Variants in PSD3 observed in about 807,000 individuals in gnomAD.
PSD3 encodes pleckstrin and Sec7 domain containing 3, also known as PH and SEC7 domain-containing protein 3.
In PSD3, 49 loss-of-function variants were observed where a neutral mutation model predicts 105.5. That is an observed-to-expected ratio of 0.46 (90% CI 0.37 to 0.59). PSD3 has a LOEUF of 0.59. Among genes scored for constraint, PSD3 ranks in the 20% least tolerant of loss-of-function variants. The pLI, the probability that PSD3 is intolerant of heterozygous loss-of-function variation, is 0.00. For synonymous variants in PSD3, 557 were observed against 457.8 expected (o/e 1.22, Z -2.77); for missense variants, 1,561 against 1,263.8 (o/e 1.24, Z -3.57).
intron 9 of PSD3, among the ~76,000 whole-genome samples, chr8:18,695,853 T>A (rs1186521865): frequency 6.6e-6 from 1 of 152,174 alleles, no homozygotes; most frequent in Non-Finnish European, 1.5e-5. Context: ...AGAAGGAGTA[T>A]GAAACAAGTC....
chr8:19,037,620 G>A (rs948823882), intron 1 of PSD3, among the ~76,000 whole-genome samples: 2 of 152,174 alleles, frequency 1.3e-5, no homozygotes, highest in African/African-American at 4.8e-5. Context: ...TTTGGTGAGG[G>A]CCTGAAGAGA....
chr8:18,629,242 A>G (rs1471697817), intron 11 of PSD3, among the ~76,000 whole-genome samples: 1 of 151,994 alleles, frequency 6.6e-6, no homozygotes, highest in Non-Finnish European at 1.5e-5. Flanking sequence ...AGGAAGACAT[A>G]ATATATATAG....
intron 1 of PSD3, among the ~76,000 whole-genome samples, chr8:19,081,879 C>T (rs552667308): frequency 1.3e-5 from 2 of 152,308 alleles, no homozygotes; most frequent in African/African-American, 2.4e-5. Flanking sequence ...AATGGAGTTT[C>T]CTTCCCTGTA....
At chr8:18,884,112 T>C (rs1318441701) in intron 2 of PSD3, among the ~76,000 whole-genome samples, 1 of 152,182 alleles carries the variant, frequency 6.6e-6, no homozygotes, top group African/African-American at 2.4e-5. Context: ...GTGACCACTC[T>C]GATCCCTTAG....
intron 10 of PSD3, among the ~76,000 whole-genome samples, chr8:18,643,392 C>A (rs1420079675): frequency 6.6e-6 from 1 of 152,104 alleles, no homozygotes; most frequent in African/African-American, 2.4e-5. Context: ...TCACAGTGAC[C>A]CCAGTTTTAA....
At chr8:18,637,822 G>T (rs1274669317) in intron 10 of PSD3, among the ~76,000 whole-genome samples, 5 of 152,112 alleles carry the variant, frequency 3.3e-5, no homozygotes, top group Non-Finnish European at 7.4e-5. Flanking sequence ...CTGGAAGAAA[G>T]ATTTCTGTCC....
At chr8:18,666,814 G>C (rs1799494911) in intron 9 of PSD3, among the ~76,000 whole-genome samples, 1 of 152,072 alleles carries the variant, frequency 6.6e-6, no homozygotes, top group African/African-American at 2.4e-5. Context: ...GTAAACTACT[G>C]TGGGTGAGAC....
chr8:18,664,105 G>C (rs540771039), intron 9 of PSD3, among the ~76,000 whole-genome samples: 36 of 152,264 alleles, frequency 2.4e-4, no homozygotes, highest in African/African-American at 8.2e-4. Flanking sequence ...ACTGAAATTA[G>C]ACCAATTAGT....
intron 9 of PSD3, among the ~76,000 whole-genome samples, chr8:18,757,462 G>GCAAA (rs200735183): frequency 0.038 from 5,803 of 151,960 alleles, 286 homozygotes; most frequent in East Asian, 0.19. Context: ...AGACTCCGTT[G>GCAAA]CAAACAAACA....
At chr8:18,596,657 C>G (rs946398695) in intron 12 of PSD3, among the ~76,000 whole-genome samples, 1 of 151,906 alleles carries the variant, frequency 6.6e-6, no homozygotes, top group Non-Finnish European at 1.5e-5. Flanking sequence ...GCAATTGATG[C>G]CACATAAACT....
intron 14 of PSD3, among the ~76,000 whole-genome samples, chr8:18,572,239 G>A (rs939204787): frequency 6.6e-6 from 1 of 152,172 alleles, no homozygotes. Flanking sequence ...TTATGAGCTG[G>A]CAGTTAAAAC....
intron 8 of PSD3, among the ~76,000 whole-genome samples, chr8:18,773,764 T>A (rs1807771016): frequency 1.3e-5 from 2 of 152,326 alleles, no homozygotes; most frequent in Admixed American, 1.3e-4. Flanking sequence ...TCAGGATTTG[T>A]CTGTCCATTT....
At chr8:18,848,774 C>G (rs1815327747) in intron 4 of PSD3, among the ~76,000 whole-genome samples, 1 of 152,084 alleles carries the variant, frequency 6.6e-6, no homozygotes, top group Admixed American at 6.6e-5. Context: ...GTAAACTCAC[C>G]CTAGGTTGGG....
intron 4 of PSD3, among the ~76,000 whole-genome samples, chr8:18,828,006 G>A (rs1265106168): frequency 7.2e-6 from 1 of 139,810 alleles, no homozygotes; most frequent in Non-Finnish European, 1.5e-5. Flanking sequence ...ATACAAGGTA[G>A]ACAATTTATA....
At chr8:18,637,494 C>T (rs1807345505) in intron 10 of PSD3, among the ~76,000 whole-genome samples, 1 of 152,190 alleles carries the variant, frequency 6.6e-6, no homozygotes, top group South Asian at 2.1e-4. Flanking sequence ...CCATCGATTC[C>T]TGGCAACTGA....
chr8:18,842,128 T>C (rs978994108), intron 4 of PSD3, among the ~76,000 whole-genome samples: 2 of 152,168 alleles, frequency 1.3e-5, no homozygotes, highest in Non-Finnish European at 2.9e-5. Flanking sequence ...TACCTACTGC[T>C]GGGTCCATAA....
At chr8:18,658,802 T>G (rs965785228) in intron 9 of PSD3, among the ~76,000 whole-genome samples, 7 of 141,234 alleles carry the variant, frequency 5.0e-5, no homozygotes, top group Non-Finnish European at 7.4e-5. Context: ...ATTAATGTAG[T>G]CAGATCATAA....
intron 8 of PSD3, among the ~76,000 whole-genome samples, chr8:18,798,181 T>C (rs1810357421): frequency 6.6e-6 from 1 of 152,214 alleles, no homozygotes. Flanking sequence ...CGTGCTATAC[T>C]GCCCAAGAAT....
chr8:19,064,323 C>T (rs974364074), intron 1 of PSD3, among the ~76,000 whole-genome samples: 4 of 151,920 alleles, frequency 2.6e-5, no homozygotes, highest in African/African-American at 9.7e-5. Flanking sequence ...CTTTTTTCTC[C>T]GTTTTTGATT....
Sources: allele counts gnomAD v4.1 joint callset (sites outside exome capture counted in the v4.1 genomes callset), GRCh38; gene constraint gnomAD v4.1.1; transcripts MANE v1.5; gene names NCBI Gene and HGNC (gene_info 2026-07-23, HGNC 2026-07-21).